Variants in DPY19L3 observed in about 807,000 individuals in gnomAD.
DPY19L3 encodes dpy-19 like C-mannosyltransferase 3.
A neutral mutation model predicts 92.3 loss-of-function variants in DPY19L3; 51 were observed. The observed-to-expected ratio is 0.55, with a 90% CI of 0.44 to 0.70. The LOEUF (loss-of-function observed/expected upper bound fraction) is 0.70. Among genes scored for constraint, DPY19L3 ranks in the 30% least tolerant of loss-of-function variants. DPY19L3 has a pLI of 0.00. For missense variants in DPY19L3, 706 were observed against 855.9 expected (o/e 0.82, Z 2.18); for synonymous variants, 309 against 315.2 (o/e 0.98, Z 0.21).
intron 3 of DPY19L3, among the ~76,000 whole-genome samples, chr19:32,416,406 A>C (rs1048053522): frequency 6.6e-6 from 1 of 152,138 alleles, no homozygotes; most frequent in African/African-American, 2.4e-5. Context: ...GCCAAACCCC[A>C]CAGGATGAGG....
intron 3 of DPY19L3, among the ~76,000 whole-genome samples, chr19:32,418,478 G>A (rs540220416): frequency 6.6e-6 from 1 of 152,108 alleles, no homozygotes; most frequent in African/African-American, 2.4e-5. Flanking sequence ...TAGTACACTC[G>A]GGAACTAAAT....
intron 3 of DPY19L3, among the ~76,000 whole-genome samples, chr19:32,415,085 G>C (rs912728237): frequency 2.6e-5 from 4 of 152,234 alleles, no homozygotes; most frequent in African/African-American, 9.6e-5. Context: ...AGCAGGCACT[G>C]TGCTTAGTGG....
chr19:32,436,636 T>C (rs1899595391), intron 5 of DPY19L3, 69 bp downstream of exon 5: 2 of 1,273,680 alleles, frequency 1.6e-6, no homozygotes, highest in Non-Finnish European at 2.1e-6. Context: ...AACTGAAAGT[T>C]ATCACATCGT....
chr19:32,426,316 G>A (rs149828236), intron 3 of DPY19L3, among the ~76,000 whole-genome samples: 102 of 152,352 alleles, frequency 6.7e-4, no homozygotes, highest in Non-Finnish European at 3.1e-4. Flanking sequence ...GACTTTCCCC[G>A]TATCAGCAAT....
chr19:32,472,155 G>T (rs904986579), intron 16 of DPY19L3, among the ~76,000 whole-genome samples: 4 of 152,090 alleles, frequency 2.6e-5, no homozygotes, highest in African/African-American at 9.7e-5. Flanking sequence ...GTTTTTTTTA[G>T]AATTCTAATT....
intron 3 of DPY19L3, among the ~76,000 whole-genome samples, chr19:32,418,277 A>G (rs1362690644): frequency 6.6e-6 from 1 of 152,168 alleles, no homozygotes; most frequent in Non-Finnish European, 1.5e-5. Context: ...CTCCTATATC[A>G]CAAGAAGAAT....
At position 32,439,111 on chromosome 19, in the gene DPY19L3, G is replaced by T; in HGVS notation, c.597-1G>T. 1 of 1,610,664 alleles carries T rather than the reference G, an allele frequency of 6.2e-7. No individual in the cohort carries two copies. Among genetic ancestry groups the T allele is most frequent in the Non-Finnish European group, 8.5e-7 (1 of 1,178,446 alleles). ...GGCCATTTGTGTTTTCTTTTGTGCA[G>T]AATAGATACCACAAGAGTTGAGTTT... is the stretch of plus-strand genomic sequence containing the variant. On this transcript the variant is annotated splice_acceptor_variant, in intron 6 of 18. Transcript: ENST00000392250. LOFTEE classifies it high-confidence loss of function.
chr19:32,455,775 A>AG (rs1294849057), intron 10 of DPY19L3, among the ~76,000 whole-genome samples: 3 of 152,334 alleles, frequency 2.0e-5, no homozygotes, highest in Admixed American at 6.5e-5. Flanking sequence ...ACAATGCCCC[A>AG]GGGGCTCTGC....
At chr19:32,453,333 A>G in intron 9 of DPY19L3, 57 bp downstream of exon 9, 1 of 1,507,322 alleles carries the variant, frequency 6.6e-7, no homozygotes, top group Admixed American at 2.2e-5. Flanking sequence ...TGCGTGGTTT[A>G]TTGAACCTTA....
intron 17 of DPY19L3, chr19:32,479,503 G>T (rs1186579163): frequency 8.7e-6 from 3 of 346,714 alleles, no homozygotes; most frequent in Non-Finnish European, 1.7e-5. Context: ...CCTTGTGCTG[G>T]ACTGTAGGAC....
rs1316645536 is a variant in DPY19L3 at position 32,468,815 on chromosome 19, T to A, written c.1697+2T>A. 6.2e-7 allele frequency: 1 copy of A among 1,611,020 alleles called. No individual in the cohort carries two copies. Among genetic ancestry groups the A allele is most frequent in the Admixed American group, 1.7e-5 (1 of 59,394 alleles). ...AGTGGAGCTGATGAACTGGATTAAG[T>A]AAGAGGATTTTTTTTAACTTTTAAA... On this transcript the variant is annotated splice_donor_variant, in intron 16 of 18. Transcript: ENST00000392250. LOFTEE classifies it high-confidence loss of function.
intron 3 of DPY19L3, among the ~76,000 whole-genome samples, chr19:32,415,260 AT>A (rs1225799573): frequency 6.6e-6 from 1 of 152,212 alleles, no homozygotes; most frequent in Non-Finnish European, 1.5e-5. Flanking sequence ...GCCTAACCTC[AT>A]TTTGGAAGAT....
At chr19:32,444,745 C>T (rs1368746907) in intron 8 of DPY19L3, among the ~76,000 whole-genome samples, 1 of 151,404 alleles carries the variant, frequency 6.6e-6, no homozygotes, top group Non-Finnish European at 1.5e-5. Context: ...AAATACTGTA[C>T]CTATAGGGGA....
intron 16 of DPY19L3, among the ~76,000 whole-genome samples, chr19:32,475,495 G>T (rs1970479524): frequency 6.6e-6 from 1 of 152,210 alleles, no homozygotes; most frequent in African/African-American, 2.4e-5. Context: ...GATTGCTGTG[G>T]AATGGCTCAT....
intron 8 of DPY19L3, among the ~76,000 whole-genome samples, chr19:32,450,822 C>T (rs1322095159): frequency 2.6e-5 from 4 of 152,070 alleles, no homozygotes; most frequent in Non-Finnish European, 4.4e-5. Flanking sequence ...TACCAAAAAT[C>T]ATGAAGCACA....
At chr19:32,453,354 G>A in intron 9 of DPY19L3, 78 bp downstream of exon 9, 1 of 1,397,196 alleles carries the variant, frequency 7.2e-7, no homozygotes, top group Non-Finnish European at 9.6e-7. Flanking sequence ...TTTTCACACA[G>A]CATACAAAGG....
At chr19:32,426,018 G>A (rs1488686622) in intron 3 of DPY19L3, among the ~76,000 whole-genome samples, 1 of 152,208 alleles carries the variant, frequency 6.6e-6, no homozygotes, top group Non-Finnish European at 1.5e-5. Context: ...TCTACATTGA[G>A]TATCTGTTGT....
intron 3 of DPY19L3, among the ~76,000 whole-genome samples, chr19:32,418,927 G>T (rs1401847474): frequency 2.0e-5 from 3 of 151,910 alleles, no homozygotes; most frequent in Non-Finnish European, 4.4e-5. Flanking sequence ...ATAGCAACTG[G>T]AAAGTTGAAG....
chr19:32,449,713 C>T (rs117309763), intron 8 of DPY19L3, among the ~76,000 whole-genome samples: 2 of 152,168 alleles, frequency 1.3e-5, no homozygotes, highest in Non-Finnish European at 2.9e-5. Flanking sequence ...TAACTGATAC[C>T]GACATGCAAA....
Sources: gnomAD v4.1 joint callset for allele counts (sites outside exome capture counted in the v4.1 genomes callset) on GRCh38, gnomAD v4.1.1 for gene constraint, MANE v1.5 for transcripts, NCBI Gene and HGNC (gene_info 2026-07-23, HGNC 2026-07-21) for gene names.